The following PLCB1 variants were observed in gnomAD, a reference collection of about 807,000 sequenced individuals.
PLCB1 encodes the protein phospholipase C beta 1, also known as 1-phosphatidylinositol 4,5-bisphosphate phosphodiesterase beta-1.
PLCB1 carries 46 observed loss-of-function variants against 161.8 expected under a neutral mutation model. The ratio of observed to expected loss-of-function variants is 0.28; its 90% CI spans 0.22 to 0.36. The LOEUF is 0.36. Among genes scored for constraint, PLCB1 ranks in the 10% least tolerant of loss-of-function variants. PLCB1 has a pLI of 1.00. For synonymous variants in PLCB1, 517 were observed against 503.7 expected (o/e 1.03, Z -0.35); for missense variants, 1,016 against 1,472.5 (o/e 0.69, Z 5.07).
intron 31 of PLCB1, among the ~76,000 whole-genome samples, chr20:8,841,048 A>G (rs6140751): frequency 0.32 from 48,682 of 151,950 alleles, 8,786 homozygotes; most frequent in East Asian, 0.63. Context: ...ATGTTGGCCA[A>G]GCTGGTCTCG....
intron 23 of PLCB1, among the ~76,000 whole-genome samples, chr20:8,748,603 TTAA>T (rs1195489271): frequency 9.2e-5 from 14 of 152,188 alleles, no homozygotes; most frequent in African/African-American, 3.4e-4. Context: ...TGGCTCCCAA[TTAA>T]TGATGAAGTT....
chr20:8,463,175 G>C (rs1347799511), intron 3 of PLCB1, among the ~76,000 whole-genome samples: 2 of 151,350 alleles, frequency 1.3e-5, no homozygotes, highest in Admixed American at 6.6e-5. Flanking sequence ...GTGTGTGTGT[G>C]TGTGTGTCTG....
At chr20:8,607,128 C>G (rs1035149422) in intron 3 of PLCB1, among the ~76,000 whole-genome samples, 4 of 152,188 alleles carry the variant, frequency 2.6e-5, no homozygotes, top group Non-Finnish European at 4.4e-5. Flanking sequence ...CCATTTACCA[C>G]AGTCCCACAT....
chr20:8,357,066 T>C (rs1986385252), intron 2 of PLCB1, among the ~76,000 whole-genome samples: 1 of 152,218 alleles, frequency 6.6e-6, no homozygotes, highest in Non-Finnish European at 1.5e-5. Context: ...AAAAGCGATC[T>C]ATCTTCTTGG....
At chr20:8,185,751 T>G (rs2051896722) in intron 2 of PLCB1, among the ~76,000 whole-genome samples, 1 of 152,168 alleles carries the variant, frequency 6.6e-6, no homozygotes, top group African/African-American at 2.4e-5. Context: ...AAAAGAATGT[T>G]AAAGCATTAA....
intron 2 of PLCB1, among the ~76,000 whole-genome samples, chr20:8,359,969 C>T (rs1224425164): frequency 6.6e-6 from 1 of 152,134 alleles, no homozygotes; most frequent in Non-Finnish European, 1.5e-5. Flanking sequence ...TCTGAACAAA[C>T]CCAGATGCAA....
intron 2 of PLCB1, among the ~76,000 whole-genome samples, chr20:8,296,911 G>A (rs977086223): frequency 2.0e-5 from 3 of 152,142 alleles, no homozygotes; most frequent in Non-Finnish European, 4.4e-5. Flanking sequence ...GAAGATGAGA[G>A]AGTTTGAAAG....
chr20:8,844,875 C>G (rs1856612052), intron 31 of PLCB1, among the ~76,000 whole-genome samples: 1 of 152,006 alleles, frequency 6.6e-6, no homozygotes, highest in Non-Finnish European at 1.5e-5. Flanking sequence ...CTTTGGGAGG[C>G]CGAGGCGGGC....
intron 2 of PLCB1, among the ~76,000 whole-genome samples, chr20:8,199,824 A>G (rs2052072604): frequency 6.6e-6 from 1 of 152,172 alleles, no homozygotes; most frequent in African/African-American, 2.4e-5. Context: ...TGAATATTGT[A>G]ATAGGTAATA....
intron 3 of PLCB1, among the ~76,000 whole-genome samples, chr20:8,396,066 A>C (rs917060792): frequency 2.0e-5 from 3 of 152,146 alleles, no homozygotes; most frequent in Non-Finnish European, 4.4e-5. Flanking sequence ...TAAACAGAGA[A>C]ACTACAAAGT....
At chr20:8,236,566 G>A (rs1980339381) in intron 2 of PLCB1, among the ~76,000 whole-genome samples, 1 of 151,688 alleles carries the variant, frequency 6.6e-6, no homozygotes, top group South Asian at 2.1e-4. Flanking sequence ...ATAAAATAAA[G>A]GTACTAAATC....
intron 27 of PLCB1, among the ~76,000 whole-genome samples, chr20:8,782,382 T>A (rs897345199): frequency 1.3e-5 from 2 of 152,136 alleles, no homozygotes; most frequent in African/African-American, 4.8e-5. Flanking sequence ...AACATCTTCC[T>A]TGTTTTTGCT....
At chr20:8,753,069 A>G (rs1981565670) in intron 23 of PLCB1, among the ~76,000 whole-genome samples, 1 of 152,080 alleles carries the variant, frequency 6.6e-6, no homozygotes, top group South Asian at 2.1e-4. Flanking sequence ...TGAACTGCAC[A>G]TGTGAAAAAT....
chr20:8,527,210 A>G (rs1002601227), intron 3 of PLCB1, among the ~76,000 whole-genome samples: 7 of 152,142 alleles, frequency 4.6e-5, no homozygotes, highest in African/African-American at 1.7e-4. Flanking sequence ...GATTATTAAA[A>G]AGATTAAATG....
In PLCB1 at chr20:8,765,039, G is replaced by C. The variant is rs78664923; in HGVS notation, c.2711-100G>C. 298 of 889,970 alleles carry C rather than the reference G, an allele frequency of 3.3e-4. No homozygotes were observed. In the African/African-American group the frequency reaches 4.4e-3, roughly 13 times the overall value. The allele number at this position is 889,970 out of a possible 1,614,324, so 55.1% of individuals were successfully genotyped here. On this transcript the variant is annotated intron_variant, in intron 25 of 31. Transcript: ENST00000338037. ...AAGCTTTGCTCTTAAACTCTAGCTG[G>C]GCAAGATCAACCATTTCTTCCTAAG...
chr20:8,466,238 A>G (rs1245440389), intron 3 of PLCB1, among the ~76,000 whole-genome samples: 2 of 150,518 alleles, frequency 1.3e-5, no homozygotes, highest in East Asian at 2.0e-4. Context: ...AAAACCAAAC[A>G]CCACATATTC....
intron 3 of PLCB1, among the ~76,000 whole-genome samples, chr20:8,503,414 C>T (rs1264496090): frequency 6.6e-6 from 1 of 152,116 alleles, no homozygotes; most frequent in Non-Finnish European, 1.5e-5. Context: ...ACCGTCTTCT[C>T]TTTGACATGA....
At chr20:8,577,475 T>G (rs1004162550) in intron 3 of PLCB1, among the ~76,000 whole-genome samples, 1 of 148,706 alleles carries the variant, frequency 6.7e-6, no homozygotes. Context: ...AAAATAACAA[T>G]GTTGAATCAT....
At chr20:8,300,365 C>G (rs1422149890) in intron 2 of PLCB1, among the ~76,000 whole-genome samples, 1 of 152,018 alleles carries the variant, frequency 6.6e-6, no homozygotes, top group Non-Finnish European at 1.5e-5. Flanking sequence ...TCTGTTAGTT[C>G]CATAATAAGG....
Sources: allele counts gnomAD v4.1 joint callset (sites outside exome capture counted in the v4.1 genomes callset), GRCh38; gene constraint gnomAD v4.1.1; transcripts MANE v1.5; gene names NCBI Gene and HGNC (gene_info 2026-07-23, HGNC 2026-07-21).